Variants in KIAA1671 observed in about 807,000 individuals in gnomAD.
KIAA1671 encodes the protein uncharacterized protein KIAA1671.
In KIAA1671, 52 loss-of-function variants were observed where a neutral mutation model predicts 131.2. The observed-to-expected ratio is 0.40, with a 90% confidence interval of 0.32 to 0.50. KIAA1671 has a LOEUF of 0.50. Among genes scored for constraint, KIAA1671 ranks in the 20% least tolerant of loss-of-function variants. KIAA1671 has a pLI of 0.73. For synonymous variants in KIAA1671, 1,003 were observed against 961.6 expected (o/e 1.04, Z -0.80); for missense variants, 2,360 against 2,364.2 (o/e 1.00, Z 0.04).
chr22:25,032,067 T>G (rs1926324873), intron 3 of KIAA1671, among the ~76,000 whole-genome samples: 1 of 152,210 alleles, frequency 6.6e-6, no homozygotes, highest in African/African-American at 2.4e-5. Context: ...AAGAGGGCCC[T>G]GGTGATCCAG....
intron 9 of KIAA1671, 87 bp from the exon 10 acceptor site, chr22:25,181,612 T>G: frequency 1.9e-5 from 28 of 1,484,582 alleles, no homozygotes; most frequent in Non-Finnish European, 2.4e-5. Context: ...GAGCATTGCA[T>G]GAGATACTGT....
intron 6 of KIAA1671, among the ~76,000 whole-genome samples, chr22:25,113,633 G>A (rs1341204011): frequency 6.6e-6 from 1 of 152,204 alleles, no homozygotes; most frequent in African/African-American, 2.4e-5. Flanking sequence ...CCCAGGTCAC[G>A]CAGCAGCCAG....
At chr22:25,135,422 G>A (rs1932633713) in intron 6 of KIAA1671, among the ~76,000 whole-genome samples, 1 of 152,164 alleles carries the variant, frequency 6.6e-6, no homozygotes, top group Non-Finnish European at 1.5e-5. Context: ...TCCTGACCTT[G>A]TGATCCACCT....
intron 4 of KIAA1671, among the ~76,000 whole-genome samples, chr22:25,038,103 C>T (rs1926715264): frequency 2.0e-5 from 3 of 152,182 alleles, no homozygotes; most frequent in African/African-American, 7.2e-5. Context: ...TCCCAAAGTG[C>T]TAGGATTACA....
At chr22:25,003,713 A>C (rs1186255870) in intron 1 of KIAA1671, among the ~76,000 whole-genome samples, 1 of 150,006 alleles carries the variant, frequency 6.7e-6, no homozygotes, top group African/African-American at 2.5e-5. Flanking sequence ...CGCCCGGCCC[A>C]CTTGGAGATA....
In KIAA1671 at chr22:25,195,174, C is replaced by G. The variant is rs551903334; in HGVS notation, c.*2773C>G. The stretch of plus-strand genomic sequence containing the variant: ...CTCTATATGTACAATCTCTCTCCCC[C>G]TCATTTCTCTTCCTCCTCACCTCCA... On this transcript the variant is annotated 3_prime_UTR_variant, in exon 13 of 13. Coordinates refer to ENST00000358431, the MANE Select transcript of KIAA1671 (RefSeq NM_001145206.2). The G allele has an allele frequency of 6.6e-6, 1 of 152,204 alleles. No homozygotes were observed. The highest frequency in any genetic ancestry group is 2.4e-5 in the African/African-American group (1 of 41,548). 9.4% of individuals were successfully genotyped at this position (152,204 alleles called of 1,614,324 possible).
intron 1 of KIAA1671, chr22:25,011,145 C>CT (rs71191015): frequency 0.22 from 31,009 of 143,050 alleles, 3,392 homozygotes; most frequent in East Asian, 0.42. Context: ...CCTTGCTAAT[C>CT]TTTTTTTTTT....
At chr22:25,107,943 G>C (rs909851368) in intron 6 of KIAA1671, among the ~76,000 whole-genome samples, 1 of 152,130 alleles carries the variant, frequency 6.6e-6, no homozygotes, top group Admixed American at 6.5e-5. Flanking sequence ...AGTGGGAAGA[G>C]GTTGCAGTGA....
At chr22:24,987,215 G>A (rs565085736) in intron 1 of KIAA1671, among the ~76,000 whole-genome samples, 41 of 150,162 alleles carry the variant, frequency 2.7e-4, no homozygotes, top group African/African-American at 9.8e-4. Flanking sequence ...CTGTTGCCCA[G>A]GCTAGAGTGT....
At chr22:25,163,985 C>G (rs944904311) in intron 6 of KIAA1671, among the ~76,000 whole-genome samples, 2 of 152,058 alleles carry the variant, frequency 1.3e-5, no homozygotes, top group African/African-American at 4.8e-5. Flanking sequence ...TTTAATATAG[C>G]CTTTAGGGGG....
At chr22:24,979,966 CT>C (rs1007783470) in intron 1 of KIAA1671, among the ~76,000 whole-genome samples, 78 of 144,998 alleles carry the variant, frequency 5.4e-4, no homozygotes, top group East Asian at 1.2e-3. Flanking sequence ...ATTCCCTTCT[CT>C]TTTTTTTTTT....
chr22:25,094,222 G>A (rs1028650511), intron 6 of KIAA1671, among the ~76,000 whole-genome samples: 1 of 152,142 alleles, frequency 6.6e-6, no homozygotes, highest in African/African-American at 2.4e-5. Context: ...GGAGCAGGGA[G>A]GCCCAGTTTA....
At chr22:25,171,941 T>G (rs1434968086) in intron 7 of KIAA1671, among the ~76,000 whole-genome samples, 1 of 152,128 alleles carries the variant, frequency 6.6e-6, no homozygotes, top group African/African-American at 2.4e-5. Flanking sequence ...GCAAATTGTA[T>G]TTTACCACAG....
At chr22:25,030,238 TTAA>T (rs1373121228) in intron 3 of KIAA1671, among the ~76,000 whole-genome samples, 4 of 152,178 alleles carry the variant, frequency 2.6e-5, no homozygotes, top group African/African-American at 7.2e-5. Flanking sequence ...AGTCAGTTGG[TTAA>T]TAATGATGTT....
chr22:25,028,091 C>T lies in KIAA1671; in HGVS notation c.92C>T (p.Thr31Ile), dbSNP rs1434819450. The T allele has an allele frequency of 1.3e-6, 2 of 1,551,126 alleles. No homozygotes were observed. Among genetic ancestry groups the T allele is most frequent in the Non-Finnish European group, 1.7e-6 (2 of 1,146,780 alleles). Residue 31 changes from threonine (T) to isoleucine (I), a missense_variant, in exon 3 of 13, where the codon ACC becomes ATC. Around this residue, in one of 3 missense-constraint regions of KIAA1671, gnomAD observed 1,185 missense variants for 1,126.2 expected, o/e 1.05. Transcript: ENST00000358431. ...EMGKEETLTR[T>I]YFLQAGEASG... is the part of the protein sequence containing the mutation. ...GGCAAGGAGGAGACCCTGACGAGGA[C>T]CTACTTCCTCCAGGCCGGCGAAGCC...
chr22:25,100,121 AGAG>A (rs1930589331), intron 6 of KIAA1671, among the ~76,000 whole-genome samples: 1 of 152,118 alleles, frequency 6.6e-6, no homozygotes, highest in Non-Finnish European at 1.5e-5. Flanking sequence ...CACGTCCCAG[AGAG>A]GAGGGGAGCA....
chr22:25,177,279 CTG>C (rs1934066598), intron 8 of KIAA1671, 67 bp from the exon 9 acceptor site: 2 of 1,418,380 alleles, frequency 1.4e-6, no homozygotes, highest in Admixed American at 2.4e-5. Flanking sequence ...GTACCGCCAA[CTG>C]TGTTGTGGTA....
rs921694226 is a variant in KIAA1671 at position 25,131,933 on chromosome 22, T to C, written c.4531-38887T>C. 3.9e-5 allele frequency among the ~76,000 whole-genome samples: 6 copies of C among 152,166 alleles called. No individual in the cohort carries two copies. The South Asian group carries it at 1.0e-3, about 26-fold the overall frequency. ...TAAGATTGACACGAGTTGATGGGTGTGAAACTCTTTAGCGCAGCATTGGCC... is the reference window on the plus strand; with the variant it reads ...TAAGATTGACACGAGTTGATGGGTGCGAAACTCTTTAGCGCAGCATTGGCC... On this transcript the variant is annotated intron_variant, in intron 6 of 12. Coordinates refer to ENST00000358431, the MANE Select transcript of KIAA1671 (RefSeq NM_001145206.2).
In KIAA1671 at chr22:25,041,272, G is replaced by A. The variant is rs1400917266; in HGVS notation, c.4142G>A (p.Gly1381Glu). 1 of 1,551,662 alleles carries A rather than the reference G, an allele frequency of 6.4e-7. No homozygotes were observed. The highest frequency in any genetic ancestry group is 2.4e-5 in the East Asian group (1 of 40,934). The change falls in exon 5 of 13, where the codon GGG becomes GAG. Residue 1381 changes from glycine (G) to glutamate (E), a missense_variant. Transcript: ENST00000358431. ...AAAGGGACCCCAAGGAAATCCACCG[G>A]GCGGGGAGAGGAGGACAGTGTGGCC... ...QKKGTPRKST[G>E]RGEEDSVAQW...
Sources: gnomAD v4.1 joint callset for allele counts (sites outside exome capture counted in the v4.1 genomes callset) on GRCh38, gnomAD v4.1.1 for gene constraint, gnomAD v4.1.1 regional missense constraint, MANE v1.5 for transcripts, NCBI Gene and HGNC (gene_info 2026-07-23, HGNC 2026-07-21) for gene names.